Variants in SP3 observed in about 807,000 individuals in gnomAD.
SP3 encodes Sp3 transcription factor.
SP3 carries 10 observed loss-of-function variants against 70.3 expected under a neutral mutation model. That is an observed-to-expected ratio of 0.14 (90% CI 0.09 to 0.24). SP3 has a LOEUF of 0.24. Ranked by LOEUF, SP3 falls within the 10% of genes least tolerant of loss-of-function variation. The probability of loss-of-function intolerance (pLI) is 1.00; values close to 1 mark genes in which losing one functional copy is unlikely to be tolerated. For synonymous variants in SP3, 402 were observed against 333.5 expected, an observed-to-expected ratio of 1.21 and a Z score of -2.24; for missense variants, 825 against 914.6, an observed-to-expected ratio of 0.90 and a Z score of 1.26.
chr2:173,924,978 C>A (rs935742235), intron 4 of SP3, among the ~76,000 whole-genome samples: 2 of 152,196 alleles, frequency 1.3e-5, no homozygotes, highest in African/African-American at 4.8e-5. Context: ...ACCTCCACCT[C>A]CCAGGTTCAA....
chr2:173,964,891 C>T (rs1691242656), intron 1 of SP3: 1 of 507,990 alleles, frequency 2.0e-6, no homozygotes, highest in Admixed American at 4.3e-5. Flanking sequence ...CTCACACACG[C>T]CCGCCCGCGC....
chr2:173,923,442 G>A (rs940359650), intron 4 of SP3, among the ~76,000 whole-genome samples: 1 of 151,920 alleles, frequency 6.6e-6, no homozygotes, highest in African/African-American at 2.4e-5. Context: ...ATAACTCAGG[G>A]CATGCCTAGA....
At chr2:173,954,108 TA>T (rs1447576908) in intron 4 of SP3, among the ~76,000 whole-genome samples, 1 of 152,170 alleles carries the variant, frequency 6.6e-6, no homozygotes, top group Admixed American at 6.5e-5. Flanking sequence ...AGAATTAAAG[TA>T]ATAAAGTTCA....
At chr2:173,920,919 G>A (rs7566193) in intron 4 of SP3, among the ~76,000 whole-genome samples, 102 of 152,268 alleles carry the variant, frequency 6.7e-4, no homozygotes, top group African/African-American at 1.8e-3. Context: ...TGTGAAGGGA[G>A]TAGGTGCTCC....
intron 3 of SP3, among the ~76,000 whole-genome samples, chr2:173,961,127 C>A (rs1255195231): frequency 6.6e-6 from 1 of 152,156 alleles, no homozygotes; most frequent in African/African-American, 2.4e-5. Flanking sequence ...TGGTTTACTA[C>A]TAAAATTAGC....
chr2:173,953,961 A>G (rs1690799373), intron 4 of SP3, among the ~76,000 whole-genome samples: 1 of 152,220 alleles, frequency 6.6e-6, no homozygotes, highest in South Asian at 2.1e-4. Flanking sequence ...TATCAAAAGA[A>G]AAAAGGTAAT....
intron 4 of SP3, among the ~76,000 whole-genome samples, chr2:173,945,426 G>A (rs984579317): frequency 6.6e-6 from 1 of 152,044 alleles, no homozygotes; most frequent in South Asian, 2.1e-4. Context: ...AACTCAACAT[G>A]ACTAAACCTG....
In SP3 at chr2:173,901,087, C is replaced by G. The variant is rs1689181681; in HGVS notation, c.*8854G>C. On this transcript the variant is annotated 3_prime_UTR_variant, in exon 7 of 7. Transcript: ENST00000310015. ...ATAACAGAGAGGGCATTATAATCAG[C>G]AGGGAAACGTTGGACCATTCAATAA... Among the ~76,000 whole-genome samples, 1 of 152,136 alleles carries G rather than the reference C, an allele frequency of 6.6e-6. No homozygotes were observed. The highest frequency in any genetic ancestry group is 1.5e-5 in the Non-Finnish European group (1 of 68,018).
At chr2:173,965,013 G>T in intron 1 of SP3, 152 bp downstream of exon 1, 3 of 964,626 alleles carry the variant, frequency 3.1e-6, no homozygotes, top group Non-Finnish European at 3.0e-6. Flanking sequence ...GGGGAGGGGA[G>T]GGAGGCGCAG....
rs554889189 is a variant in SP3 at position 173,962,647 on chromosome 2, TA to T, written c.279+1113del. On this transcript the variant is annotated intron_variant, in intron 3 of 6. Transcript: ENST00000310015. ...GTAATAGCTTAACATTGGTTTAACT[TA>T]AAAAAAAAAAATACCTGGACATACT... Among the ~76,000 whole-genome samples the T allele has an allele frequency of 7.7e-3, 1,128 of 146,508 alleles. 17 individuals carry two copies. The highest frequency in any genetic ancestry group is 0.039 in the East Asian group (197 of 5,106).
In SP3 at chr2:173,902,779, A is replaced by C. The variant is rs543055124; in HGVS notation, c.*7162T>G. Among the ~76,000 whole-genome samples the C allele has an allele frequency of 6.6e-6, 1 of 152,336 alleles. No individual in the cohort carries two copies. The highest frequency in any genetic ancestry group is 2.4e-5 in the African/African-American group (1 of 41,576). ...AACAATCCTAGGTATGCATACATAT[A>C]ATAAGGATATAAAACCACTCATGGT... On this transcript the variant is annotated 3_prime_UTR_variant, in exon 7 of 7. Transcript: ENST00000310015.
At position 173,904,050 on chromosome 2, in the gene SP3, A is replaced by T. The variant is rs2105446393; in HGVS notation, c.*5891T>A. Among the ~76,000 whole-genome samples, 1 of 152,272 alleles carries T rather than the reference A, an allele frequency of 6.6e-6. No individual in the cohort carries two copies. Among genetic ancestry groups the T allele is most frequent in the South Asian group, 2.1e-4 (1 of 4,824 alleles). Reference sequence around the variant, plus strand: ...ACTGCTCTACCTCAGATCATCAGACATTAGATTCTCTTAAGGAGGGCACTA... The same window carrying T: ...ACTGCTCTACCTCAGATCATCAGACTTTAGATTCTCTTAAGGAGGGCACTA... On this transcript the variant is annotated 3_prime_UTR_variant, in exon 7 of 7. Transcript: ENST00000310015.
chr2:173,921,362 C>G (rs1310222516), intron 4 of SP3, among the ~76,000 whole-genome samples: 1 of 152,132 alleles, frequency 6.6e-6, no homozygotes, highest in Non-Finnish European at 1.5e-5. Context: ...AGTCACTGTT[C>G]TAAGTTCTAA....
chr2:173,956,003 T>C lies in SP3; in HGVS notation c.509A>G (p.Tyr170Cys). The C allele has an allele frequency of 1.9e-6, 3 of 1,614,230 alleles. No homozygotes were observed. The highest frequency in any genetic ancestry group is 2.5e-6 in the Non-Finnish European group (3 of 1,180,026). Residue 170 changes from tyrosine to cysteine, a missense_variant, in exon 4 of 7, where the codon TAT (tyrosine) becomes TGT (cysteine). By Grantham distance (194) the Tyr-to-Cys change is radical. This residue lies in a region of SP3 where 678 missense variants were observed against 651.6 expected (regional missense o/e 1.04). Coordinates refer to ENST00000310015, the MANE Select transcript of SP3 (RefSeq NM_003111.5). Reference protein sequence around the residue: ...SSNGTVSSVQYQVIPQIQSAD... With the variant: ...SSNGTVSSVQCQVIPQIQSAD... ...TGACTGGATCTGTGGTATCACTTGA[T>C]ATTGAACACTGGACACTGTACCATT...
chr2:173,954,526 T>C (rs1276555336), intron 4 of SP3, among the ~76,000 whole-genome samples: 1 of 152,224 alleles, frequency 6.6e-6, no homozygotes, highest in Non-Finnish European at 1.5e-5. Context: ...ATAAAAATTT[T>C]AATTCACATC....
intron 4 of SP3, among the ~76,000 whole-genome samples, chr2:173,926,454 G>T (rs1243409629): frequency 6.6e-6 from 1 of 151,980 alleles, no homozygotes; most frequent in Non-Finnish European, 1.5e-5. Flanking sequence ...GAGGCAGGTG[G>T]TCCCCAGAAA....
At chr2:173,950,021 A>G (rs1326283385) in intron 4 of SP3, among the ~76,000 whole-genome samples, 1 of 152,202 alleles carries the variant, frequency 6.6e-6, no homozygotes, top group East Asian at 1.9e-4. Flanking sequence ...AATATACAGC[A>G]ACGATAAAGT....
At chr2:173,958,270 GTTT>G (rs5836443) in intron 3 of SP3, among the ~76,000 whole-genome samples, 13 of 137,884 alleles carry the variant, frequency 9.4e-5, no homozygotes, top group African/African-American at 1.1e-4. Flanking sequence ...CACCTAAAGT[GTTT>G]TTTTTTTTTT....
chr2:173,917,685 G>A (rs962289031), intron 5 of SP3, among the ~76,000 whole-genome samples: 3 of 151,916 alleles, frequency 2.0e-5, no homozygotes, highest in Admixed American at 6.6e-5. Context: ...CCATGACAAG[G>A]GATTTGGTTA....
Sources: gnomAD v4.1 joint callset for allele counts (sites outside exome capture counted in the v4.1 genomes callset) on GRCh38, gnomAD v4.1.1 for gene constraint, gnomAD v4.1.1 regional missense constraint, MANE v1.5 for transcripts, NCBI Gene and HGNC (gene_info 2026-07-23, HGNC 2026-07-21) for gene names.